EPS15L1: variants seen among roughly 807,000 people sequenced by gnomAD.
EPS15L1 encodes epidermal growth factor receptor substrate 15-like 1.
A neutral mutation model predicts 117.1 loss-of-function variants in EPS15L1; 43 were observed. The ratio of observed to expected loss-of-function variants is 0.37; its 90% CI spans 0.29 to 0.47. The LOEUF (loss-of-function observed/expected upper bound fraction) is 0.47. Ranked by LOEUF, EPS15L1 falls within the 20% of genes least tolerant of loss-of-function variation. The pLI, the probability that EPS15L1 is intolerant of heterozygous loss-of-function variation, is 0.99. For synonymous variants in EPS15L1, 459 were observed against 470.5 expected (o/e 0.98, Z 0.32); for missense variants, 981 against 1,164.0 (o/e 0.84, Z 2.29).
At chr19:16,413,898 C>A in intron 12 of EPS15L1, 53 bp from the exon 13 acceptor site, 1 of 1,406,768 alleles carries the variant, frequency 7.1e-7, no homozygotes, top group Non-Finnish European at 1.0e-6. Context: ...AAGCCTCCAC[C>A]CCTTCCCAAG....
chr19:16,454,061 G>A (rs1453210217), intron 1 of EPS15L1, among the ~76,000 whole-genome samples: 1 of 152,148 alleles, frequency 6.6e-6, no homozygotes, highest in Non-Finnish European at 1.5e-5. Context: ...CCCTACCATG[G>A]CTACAAGGTC....
In EPS15L1 at chr19:16,405,972, C is replaced by T. The variant is rs1404548478; in HGVS notation, c.1267-1223G>A. On this transcript the variant is annotated intron_variant, in intron 13 of 23. Coordinates refer to ENST00000455140, the MANE Select transcript of EPS15L1 (RefSeq NM_001258374.3). This position sits in a 1 kb window ranked among gnomAD's most constrained non-coding sequence, Gnocchi z 4.0. ...CATCAGGACGCAGGAACTGCAGGGG[C>T]CTCGGGTGGGGTCCAGGGAGAGGCA... 6.6e-6 allele frequency among the ~76,000 whole-genome samples: 1 copy of T among 152,180 alleles called. No individual in the cohort carries two copies. The highest frequency in any genetic ancestry group is 2.4e-5 in the African/African-American group (1 of 41,446).
At chr19:16,438,929 C>A (rs1001195653) in intron 4 of EPS15L1, among the ~76,000 whole-genome samples, 1 of 152,122 alleles carries the variant, frequency 6.6e-6, no homozygotes, top group African/African-American at 2.4e-5. Flanking sequence ...ACATCCCCTG[C>A]CCACCCCCAG....
At chr19:16,409,848 G>C (rs2092689768) in intron 13 of EPS15L1, among the ~76,000 whole-genome samples, 2 of 145,200 alleles carry the variant, frequency 1.4e-5, no homozygotes, top group African/African-American at 5.1e-5. Flanking sequence ...TAAGGCAGGA[G>C]AATCACTTGA....
chr19:16,402,228 C>T (rs1010295318), intron 16 of EPS15L1, 93 bp downstream of exon 16: 30 of 1,483,320 alleles, frequency 2.0e-5, no homozygotes, highest in South Asian at 4.3e-5. Context: ...CTGGAACCAA[C>T]GTTGGCCATG....
At chr19:16,446,601 A>G (rs1281659606) in intron 1 of EPS15L1, among the ~76,000 whole-genome samples, 1 of 152,174 alleles carries the variant, frequency 6.6e-6, no homozygotes, top group Non-Finnish European at 1.5e-5. Flanking sequence ...CAGGACCACA[A>G]CAGCCAATGA....
chr19:16,361,979 T>C lies in EPS15L1; in HGVS notation c.2386A>G (p.Ser796Gly), dbSNP rs373976968. The change falls in exon 23 of 24, where the codon AGT becomes GGT. Residue 796 changes from serine to glycine, a missense_variant. Around this residue, in one of 5 missense-constraint regions of EPS15L1, gnomAD observed 819 missense variants for 949.0 expected, o/e 0.86. Coordinates refer to ENST00000455140, the MANE Select transcript of EPS15L1 (RefSeq NM_001258374.3). ...PPRPKPPSGK[S>G]TPVSQLGSAD... ...GAACCAAGCTGGCTTACAGGTGTAC[T>C]TTTACCTGGAAAGTTTAGGAGAAAA... 4 of 1,591,820 alleles carry C rather than the reference T, an allele frequency of 2.5e-6. No homozygotes were observed. In the African/African-American group the frequency reaches 4.1e-5, roughly 16 times the overall value.
rs144887012 is a variant in EPS15L1 at position 16,417,983 on chromosome 19, T to C, written c.1072A>G (p.Met358Val). Reference sequence around the variant, plus strand: ...GTGCCTCTCTCCGAAGGCGGGACCATGTCCGGCGAGAGGACTTGAGGAGGG... The same window carrying C: ...GTGCCTCTCTCCGAAGGCGGGACCACGTCCGGCGAGAGGACTTGAGGAGGG... ...IDPPQVLSPD[M>V]VPPSERGTPG... Residue 358 changes from methionine (M) to valine (V), a missense_variant, in exon 11 of 24, where the codon ATG (methionine) becomes GTG (valine). Met to Val is a conservative substitution (Grantham distance 21). Around this residue, in one of 5 missense-constraint regions of EPS15L1, gnomAD observed 819 missense variants for 949.0 expected, o/e 0.86. Coordinates refer to ENST00000455140, the MANE Select transcript of EPS15L1 (RefSeq NM_001258374.3). The C allele has an allele frequency of 1.9e-6, 3 of 1,614,168 alleles. No individual in the cohort carries two copies. Among genetic ancestry groups the C allele is most frequent in the Admixed American group, 1.7e-5 (1 of 60,018 alleles).
At position 16,392,458 on chromosome 19, in the gene EPS15L1, C is replaced by G. The variant is rs1377805822; in HGVS notation, c.1967-18G>C. The G allele has an allele frequency of 3.1e-6, 5 of 1,612,228 alleles. No individual in the cohort carries two copies. The highest frequency in any genetic ancestry group is 1.3e-5 in the African/African-American group (1 of 74,818). Reference sequence around the variant, plus strand: ...AAATGGATCTAGAAGGAAAAATGCCCCATAAGTAAACATTATACCAAGTGA... The same window carrying G: ...AAATGGATCTAGAAGGAAAAATGCCGCATAAGTAAACATTATACCAAGTGA... On this transcript the variant is annotated intron_variant, in intron 18 of 23. Transcript: ENST00000455140.
chr19:16,413,583 T>C, intron 13 of EPS15L1, 190 bp downstream of exon 13: 1 of 750,388 alleles, frequency 1.3e-6, no homozygotes, highest in Non-Finnish European at 2.2e-6. Flanking sequence ...ATAGGGTTTT[T>C]ATACAAGAAA....
rs368075194 is a variant in EPS15L1 at position 16,464,634 on chromosome 19, C to A, written c.33+7279G>T. ...GCTCTGGCTCAGTCCTCTTTGCCTC[C>A]GTGTGAAAGGCTATTCCCCATGGCC... On this transcript the variant is annotated intron_variant, in intron 1 of 23. Transcript: ENST00000455140. Among the ~76,000 whole-genome samples the A allele has an allele frequency of 3.9e-5, 6 of 152,306 alleles. No homozygotes were observed. The East Asian group carries it at 7.7e-4, about 20-fold the overall frequency.
chr19:16,358,275 G>T, intron 23 of EPS15L1: 1 of 153,056 alleles, frequency 6.5e-6, no homozygotes. Flanking sequence ...CCACTGTGGA[G>T]ACTTGCATTG....
intron 17 of EPS15L1, among the ~76,000 whole-genome samples, chr19:16,394,838 A>C (rs1266580411): frequency 6.6e-6 from 1 of 152,160 alleles, no homozygotes; most frequent in African/African-American, 2.4e-5. Flanking sequence ...AGCTGCCTTC[A>C]AATGTGGGTC....
rs575716459 is a variant in EPS15L1 at position 16,417,092 on chromosome 19, G to A, written c.1193+460C>T. On this transcript the variant is annotated intron_variant, in intron 12 of 23. Transcript: ENST00000455140. ...AGCACTGGGGAGGGGCTGATGCCTG[G>A]GGCTACTGAGCTGCGACCTGCCTGA... 1.1e-4 allele frequency among the ~76,000 whole-genome samples: 16 copies of A among 152,318 alleles called. No individual in the cohort carries two copies. The South Asian group carries it at 3.3e-3, about 32-fold the overall frequency.
Position 16,404,465 on chromosome 19 carries a change from G to A in EPS15L1, c.1428+123C>T, listed in dbSNP as rs555218908. On this transcript the variant is annotated intron_variant, in intron 14 of 23. Coordinates refer to ENST00000455140, the MANE Select transcript of EPS15L1 (RefSeq NM_001258374.3). The surrounding 1 kb of genome is among the most constrained non-coding windows in gnomAD (Gnocchi z 4.2). The stretch of plus-strand genomic sequence containing the variant: ...GACACTTTTCCACGTGGTGTTTGGA[G>A]GAACTCTATTGACCCAGTAGGATGT... The A allele has an allele frequency of 4.5e-6, 5 of 1,113,962 alleles. No homozygotes were observed. The African/African-American group carries it at 7.7e-5, about 17-fold the overall frequency. 69.0% of individuals were successfully genotyped at this position (1,113,962 alleles called of 1,614,324 possible). A position where few individuals can be genotyped will look rare whatever the true frequency, so the allele number is the denominator to read the frequency against.
At chr19:16,422,978 G>T (rs554322933) in intron 9 of EPS15L1, among the ~76,000 whole-genome samples, 7 of 149,708 alleles carry the variant, frequency 4.7e-5, no homozygotes, top group African/African-American at 9.8e-5. Flanking sequence ...AAAGGGGGGG[G>T]GGATTTCTCA....
intron 1 of EPS15L1, among the ~76,000 whole-genome samples, chr19:16,448,088 C>T (rs2145111436): frequency 6.6e-6 from 1 of 152,258 alleles, no homozygotes; most frequent in Middle Eastern, 3.4e-3. Context: ...ATGCCTCGTA[C>T]AAAATGTAAC....
At chr19:16,441,034 C>T in intron 3 of EPS15L1, 125 bp from the exon 4 acceptor site, 1 of 922,732 alleles carries the variant, frequency 1.1e-6, no homozygotes, top group Non-Finnish European at 1.8e-6. Context: ...CCCAGGTTGT[C>T]CTGCAGATGA....
intron 7 of EPS15L1, among the ~76,000 whole-genome samples, chr19:16,430,088 C>A (rs1422551713): frequency 6.6e-6 from 1 of 152,232 alleles, no homozygotes; most frequent in Non-Finnish European, 1.5e-5. Flanking sequence ...CTGCCTGAGG[C>A]CTCTGTGCCT....
Sources: allele counts gnomAD v4.1 joint callset (sites outside exome capture counted in the v4.1 genomes callset), GRCh38; gene constraint gnomAD v4.1.1; regional missense constraint gnomAD v4.1.1; non-coding constraint Gnocchi (gnomAD v3.1); transcripts MANE v1.5; gene names NCBI Gene and HGNC (gene_info 2026-07-23, HGNC 2026-07-21).